Variants in WWOX observed in about 807,000 individuals in gnomAD.
WWOX encodes WW domain-containing oxidoreductase.
WWOX carries 69 observed loss-of-function variants against 46.2 expected under a neutral mutation model. The observed-to-expected ratio is 1.49, with a 90% confidence interval of 1.23 to 1.82. The LOEUF is 1.82. Among genes scored for constraint, WWOX ranks in the 40% most tolerant of loss-of-function variants. WWOX has a pLI of 0.00. For missense variants in WWOX, 919 were observed against 542.6 expected, an observed-to-expected ratio of 1.69 and a Z score of -6.89; for synonymous variants, 359 against 202.6, an observed-to-expected ratio of 1.77 and a Z score of -6.56.
chr16:79,001,983 C>A (rs894687734), intron 8 of WWOX, among the ~76,000 whole-genome samples: 1 of 151,976 alleles, frequency 6.6e-6, no homozygotes, highest in Non-Finnish European at 1.5e-5. Context: ...AAATCAGGGG[C>A]AGAGGACAGA....
At chr16:78,882,398 T>G (rs2044361375) in intron 8 of WWOX, among the ~76,000 whole-genome samples, 1 of 152,042 alleles carries the variant, frequency 6.6e-6, no homozygotes. Context: ...CATCCTCTAT[T>G]TTATTACCTG....
At chr16:78,219,031 G>C (rs563620184) in intron 5 of WWOX, among the ~76,000 whole-genome samples, 12 of 152,312 alleles carry the variant, frequency 7.9e-5, no homozygotes, top group Admixed American at 2.0e-4. Context: ...CAGGACTAAA[G>C]TCATGTGCAA....
chr16:79,160,994 A>G (rs192377773), intron 8 of WWOX, among the ~76,000 whole-genome samples: 158 of 152,326 alleles, frequency 1.0e-3, no homozygotes, highest in Non-Finnish European at 1.7e-3. Flanking sequence ...GTTTGGTTCA[A>G]TAATGTTGCT....
intron 8 of WWOX, among the ~76,000 whole-genome samples, chr16:78,605,659 A>T (rs1299046992): frequency 6.6e-6 from 1 of 152,200 alleles, no homozygotes; most frequent in Non-Finnish European, 1.5e-5. Flanking sequence ...ATCCAGAATT[A>T]CAACTCCGCC....
chr16:78,545,516 C>G (rs1175653965), intron 8 of WWOX, among the ~76,000 whole-genome samples: 1 of 152,144 alleles, frequency 6.6e-6, no homozygotes. Flanking sequence ...CCATGTCTGG[C>G]TTAAATCCAT....
At chr16:78,927,667 C>A (rs748472811) in intron 8 of WWOX, among the ~76,000 whole-genome samples, 1 of 152,110 alleles carries the variant, frequency 6.6e-6, no homozygotes, top group Non-Finnish European at 1.5e-5. Context: ...GTAATTAAGG[C>A]ATAATTATCA....
intron 8 of WWOX, among the ~76,000 whole-genome samples, chr16:78,501,533 T>C (rs1567609207): frequency 6.6e-6 from 1 of 151,678 alleles, no homozygotes; most frequent in Non-Finnish European, 1.5e-5. Flanking sequence ...TGAGAAGTTC[T>C]TTTTCTTTCT....
rs75592623 is a variant in WWOX at position 78,798,992 on chromosome 16, C to T, written c.1056+366240C>T. On this transcript the variant is annotated intron_variant, in intron 8 of 8. Coordinates refer to ENST00000566780, the MANE Select transcript of WWOX (RefSeq NM_016373.4). ...GGTCTATTAATTCAGGAGCCGTAAA[C>T]AACAATGTGAGCAAAATGCTTTTCC... Among the ~76,000 whole-genome samples the T allele has an allele frequency of 6.2e-4, 95 of 152,250 alleles. 2 individuals are homozygous for T. The East Asian group carries it at 0.018, about 28-fold the overall frequency.
chr16:79,116,044 G>T (rs1201787997), intron 8 of WWOX, among the ~76,000 whole-genome samples: 1 of 152,186 alleles, frequency 6.6e-6, no homozygotes, highest in African/African-American at 2.4e-5. Context: ...AGACTCTTAA[G>T]TGTACAATAG....
intron 8 of WWOX, among the ~76,000 whole-genome samples, chr16:78,959,830 A>C (rs907304439): frequency 3.9e-5 from 6 of 152,212 alleles, no homozygotes; most frequent in Non-Finnish European, 8.8e-5. Context: ...TCATACGGGG[A>C]ACTATAAAAG....
chr16:79,129,602 GC>G (rs1271049397), intron 8 of WWOX, among the ~76,000 whole-genome samples: 2 of 151,852 alleles, frequency 1.3e-5, no homozygotes, highest in Non-Finnish European at 2.9e-5. Context: ...GCAGGGACAA[GC>G]AAAGCATACA....
At chr16:78,689,912 G>T (rs1245238044) in intron 8 of WWOX, among the ~76,000 whole-genome samples, 2 of 152,104 alleles carry the variant, frequency 1.3e-5, no homozygotes, top group African/African-American at 4.8e-5. Flanking sequence ...CCAGGCTGCA[G>T]TGCAGTGATG....
intron 8 of WWOX, among the ~76,000 whole-genome samples, chr16:78,701,531 C>G (rs918555536): frequency 3.3e-5 from 5 of 152,126 alleles, no homozygotes; most frequent in African/African-American, 1.2e-4. Flanking sequence ...CCTGTCTCTA[C>G]TCCCTCTCCC....
At chr16:79,053,633 T>C (rs1379111201) in intron 8 of WWOX, among the ~76,000 whole-genome samples, 1 of 152,236 alleles carries the variant, frequency 6.6e-6, no homozygotes, top group Non-Finnish European at 1.5e-5. Context: ...TTAATTTCTT[T>C]AATGTTTTAA....
At chr16:79,025,610 A>G (rs950630193) in intron 8 of WWOX, among the ~76,000 whole-genome samples, 3 of 152,140 alleles carry the variant, frequency 2.0e-5, no homozygotes, top group Admixed American at 6.5e-5. Context: ...AGAAGGAACT[A>G]AGCCTTCTCA....
At chr16:79,009,359 A>G (rs759767808) in intron 8 of WWOX, among the ~76,000 whole-genome samples, 1 of 152,122 alleles carries the variant, frequency 6.6e-6, no homozygotes, top group Non-Finnish European at 1.5e-5. Flanking sequence ...CTTTTTCACA[A>G]ATGCTTATGG....
intron 8 of WWOX, among the ~76,000 whole-genome samples, chr16:78,464,500 C>T (rs186645818): frequency 6.6e-6 from 1 of 152,116 alleles, no homozygotes; most frequent in African/African-American, 2.4e-5. Flanking sequence ...ACTAGGATTT[C>T]TTGGGTGCTT....
chr16:78,961,527 G>C (rs2046271047), intron 8 of WWOX, among the ~76,000 whole-genome samples: 1 of 152,122 alleles, frequency 6.6e-6, no homozygotes, highest in East Asian at 1.9e-4. Context: ...GTGGGTGGTA[G>C]GTGGGTACAT....
intron 8 of WWOX, among the ~76,000 whole-genome samples, chr16:78,509,658 T>G (rs2085308874): frequency 6.6e-6 from 1 of 152,266 alleles, no homozygotes; most frequent in East Asian, 1.9e-4. Context: ...CAGGACTATT[T>G]ACACCACGGA....
Sources: allele counts gnomAD v4.1 joint callset (sites outside exome capture counted in the v4.1 genomes callset), GRCh38; gene constraint gnomAD v4.1.1; transcripts MANE v1.5; gene names NCBI Gene and HGNC (gene_info 2026-07-23, HGNC 2026-07-21).